Variants in TBC1D22A observed in about 807,000 individuals in gnomAD.
TBC1D22A encodes the protein TBC1 domain family member 22A, also known as putative GTPase activator.
TBC1D22A carries 38 observed loss-of-function variants against 60.2 expected under a neutral mutation model. The ratio of observed to expected loss-of-function variants is 0.63; its 90% CI spans 0.49 to 0.83. The LOEUF is 0.83. Ranked by LOEUF, TBC1D22A falls within the 40% of genes least tolerant of loss-of-function variation. The pLI is 0.00. For synonymous variants in TBC1D22A, 302 were observed against 281.7 expected, an observed-to-expected ratio of 1.07 and a Z score of -0.72; for missense variants, 628 against 701.0, an observed-to-expected ratio of 0.90 and a Z score of 1.18.
intron 4 of TBC1D22A, among the ~76,000 whole-genome samples, chr22:46,860,665 A>C (rs182257778): frequency 1.3e-5 from 2 of 151,740 alleles, no homozygotes; most frequent in East Asian, 3.9e-4. Context: ...CCTTTTCGAT[A>C]GAGGTCTGTG....
chr22:47,124,509 G>A (rs934426572), intron 12 of TBC1D22A, among the ~76,000 whole-genome samples: 1 of 152,234 alleles, frequency 6.6e-6, no homozygotes, highest in Non-Finnish European at 1.5e-5. Context: ...GGGCATGCAG[G>A]TGGAAGCTCT....
chr22:47,083,307 T>C (rs750668494), intron 11 of TBC1D22A, among the ~76,000 whole-genome samples: 33 of 151,610 alleles, frequency 2.2e-4, no homozygotes, highest in Non-Finnish European at 1.5e-4. Context: ...AAAAAAACTA[T>C]TAAAATCATG....
intron 1 of TBC1D22A, among the ~76,000 whole-genome samples, chr22:46,787,624 A>G (rs547106444): frequency 9.8e-5 from 15 of 152,370 alleles, no homozygotes; most frequent in African/African-American, 3.4e-4. Flanking sequence ...CATATGTATG[A>G]AATGATAACA....
At chr22:47,052,626 C>T (rs1248500482) in intron 11 of TBC1D22A, among the ~76,000 whole-genome samples, 1 of 152,190 alleles carries the variant, frequency 6.6e-6, no homozygotes, top group African/African-American at 2.4e-5. Flanking sequence ...CCTGTGCTTG[C>T]GGCAGCCACA....
chr22:47,014,548 C>G (rs900781351), intron 10 of TBC1D22A, among the ~76,000 whole-genome samples: 1 of 152,224 alleles, frequency 6.6e-6, no homozygotes, highest in African/African-American at 2.4e-5. Flanking sequence ...CTCGTTAAGC[C>G]TACTGTCCCT....
chr22:46,946,861 A>G (rs746370823), intron 8 of TBC1D22A, among the ~76,000 whole-genome samples: 2 of 152,154 alleles, frequency 1.3e-5, no homozygotes, highest in Non-Finnish European at 2.9e-5. Context: ...GCAACCTGAT[A>G]ACACCTCCTC....
intron 5 of TBC1D22A, among the ~76,000 whole-genome samples, chr22:46,885,056 C>T (rs1425911203): frequency 6.6e-6 from 1 of 152,226 alleles, no homozygotes; most frequent in Admixed American, 6.5e-5. Flanking sequence ...GTCTCTAGAG[C>T]CAGCGTGTGG....
intron 10 of TBC1D22A, among the ~76,000 whole-genome samples, chr22:47,005,750 A>G (rs12158433): frequency 0.077 from 11,646 of 151,542 alleles, 1,078 homozygotes; most frequent in African/African-American, 0.22. Context: ...ACACTCCCGT[A>G]TACACACACA....
chr22:47,024,092 C>T (rs373437559), intron 10 of TBC1D22A, among the ~76,000 whole-genome samples: 1 of 152,270 alleles, frequency 6.6e-6, no homozygotes, highest in East Asian at 1.9e-4. Flanking sequence ...GGAAGTACAT[C>T]GTGGTAAGGC....
At chr22:47,081,756 A>G (rs1448787766) in intron 11 of TBC1D22A, among the ~76,000 whole-genome samples, 1 of 152,254 alleles carries the variant, frequency 6.6e-6, no homozygotes, top group Admixed American at 6.5e-5. Context: ...ACTACTCAAG[A>G]TCTTTACACT....
intron 12 of TBC1D22A, among the ~76,000 whole-genome samples, chr22:47,113,271 T>C (rs1240128627): frequency 1.3e-5 from 2 of 152,102 alleles, no homozygotes; most frequent in African/African-American, 4.8e-5. Context: ...TGAAGGCGGC[T>C]GGCTGCCGAG....
chr22:46,967,414 A>G (rs1469099121), intron 8 of TBC1D22A, among the ~76,000 whole-genome samples: 3 of 152,244 alleles, frequency 2.0e-5, no homozygotes, highest in Non-Finnish European at 2.9e-5. Context: ...GCAAAAGATT[A>G]GATCCATAGA....
chr22:46,901,052 T>G (rs1569194319), intron 7 of TBC1D22A, among the ~76,000 whole-genome samples: 2 of 152,252 alleles, frequency 1.3e-5, no homozygotes, highest in Admixed American at 6.5e-5. Flanking sequence ...AGATATGTTT[T>G]TGCTTCTTTG....
intron 7 of TBC1D22A, among the ~76,000 whole-genome samples, chr22:46,902,508 C>T (rs750781303): frequency 3.0e-4 from 45 of 152,340 alleles, no homozygotes; most frequent in Admixed American, 5.9e-4. Flanking sequence ...TAAACACAGC[C>T]GCATCCTTAG....
At chr22:47,076,361 G>GTGTATATATATATATATATATATATATA (rs1392245000) in intron 11 of TBC1D22A, among the ~76,000 whole-genome samples, 1 of 101,924 alleles carries the variant, frequency 9.8e-6, no homozygotes. Context: ...ATATGTGTGT[G>GTGTATATATATATATATATATATATATA]TATATATATA....
intron 12 of TBC1D22A, among the ~76,000 whole-genome samples, chr22:47,157,044 C>T (rs117210710): frequency 0.011 from 1,724 of 152,302 alleles, 16 homozygotes; most frequent in Non-Finnish European, 0.015. Context: ...GGGCAGTGGC[C>T]AGGCACTGGG....
chr22:47,142,310 TCCACCCACCCATCCATTCATTCAG>T (rs1333555545), intron 12 of TBC1D22A, among the ~76,000 whole-genome samples: 2 of 104,002 alleles, frequency 1.9e-5, no homozygotes, highest in Admixed American at 1.1e-4. Flanking sequence ...CATCCATCCA[TCCACCCACCCATCCATTCATTCAG>T]CCACCCACCC....
At chr22:47,063,440 A>G (rs1213029286) in intron 11 of TBC1D22A, among the ~76,000 whole-genome samples, 2 of 152,046 alleles carry the variant, frequency 1.3e-5, no homozygotes, top group Non-Finnish European at 2.9e-5. Context: ...GGTGATGGAG[A>G]GGACAGCCTG....
At chr22:47,112,677 C>T (rs910537) in intron 12 of TBC1D22A, among the ~76,000 whole-genome samples, 58,962 of 152,042 alleles carry the variant, frequency 0.39, 11,673 homozygotes, top group South Asian at 0.52. Flanking sequence ...CCCGGGTGTT[C>T]GCAGGTGGAT....
Sources: gnomAD v4.1 joint callset for allele counts (sites outside exome capture counted in the v4.1 genomes callset) on GRCh38, gnomAD v4.1.1 for gene constraint, MANE v1.5 for transcripts, NCBI Gene and HGNC (gene_info 2026-07-23, HGNC 2026-07-21) for gene names.